The following ATP4A variants were observed in gnomAD, a reference collection of about 807,000 sequenced individuals.
ATP4A encodes the protein ATPase H+/K+ transporting subunit alpha.
ATP4A carries 73 observed loss-of-function variants against 112.1 expected under a neutral mutation model. The ratio of observed to expected loss-of-function variants is 0.65; its 90% CI spans 0.54 to 0.79. The LOEUF (loss-of-function observed/expected upper bound fraction) is 0.79. ATP4A is among the 30% of genes least tolerant of loss of function. The probability of loss-of-function intolerance (pLI) is 0.00; values close to 1 mark genes in which losing one functional copy is unlikely to be tolerated. For missense variants in ATP4A, 1,081 were observed against 1,425.9 expected (o/e 0.76, Z 3.90); for synonymous variants, 588 against 588.9 (o/e 1.00, Z 0.02).
Position 35,557,729 on chromosome 19 carries a change from G to A in ATP4A, c.1619C>T (p.Pro540Leu). 1 of 1,606,864 alleles carries A rather than the reference G, an allele frequency of 6.2e-7. No homozygotes were observed. Among genetic ancestry groups the A allele is most frequent in the Non-Finnish European group, 8.5e-7 (1 of 1,176,774 alleles). Residue 540 changes from proline to leucine, a missense_variant, in exon 11 of 22, where the codon CCG becomes CTG. Pro to Leu is a moderately conservative substitution (Grantham distance 98). Coordinates refer to ENST00000262623, the MANE Select transcript of ATP4A (RefSeq NM_000704.3). The surrounding 1 kb of genome is among the most constrained non-coding windows in gnomAD (Gnocchi z 4.4). ...GGCCTCGCGCCACTGCTCGTCCAGCGGCAGCTCCTGGCCCTTGATAAGGAT... is the reference window on the plus strand; with the variant it reads ...GGCCTCGCGCCACTGCTCGTCCAGCAGCAGCTCCTGGCCCTTGATAAGGAT... ...SSILIKGQEL[P>L]LDEQWREAFQ...
Position 35,559,302 on chromosome 19 carries a change from A to G in ATP4A, c.1057-111T>C. 6.9e-6 allele frequency: 8 copies of G among 1,161,288 alleles called. No individual in the cohort carries two copies. The highest frequency in any genetic ancestry group is 4.1e-5 in the South Asian group (3 of 73,828). The allele number at this position is 1,161,288 out of a possible 1,614,324, so 71.9% of individuals were successfully genotyped here. ...CCCCAGCCGCGGGGCTGCGTGTGCA[A>G]CGTGCTTCTGCAAACACCAGGTGTT... On this transcript the variant is annotated intron_variant, in intron 7 of 21. Transcript: ENST00000262623. The surrounding 1 kb of genome is among the most constrained non-coding windows in gnomAD (Gnocchi z 4.1).
At position 35,562,472 on chromosome 19, in the gene ATP4A, A is replaced by G; in HGVS notation, c.383T>C (p.Ile128Thr). ...AAAICLIAFA[I>T]QASEGDLTTD... ...GGTGAGGTCCCCCTCACTAGCCTGG[A>G]TGGCAAAGGCGATGAGGCAGATGGC... is the stretch of plus-strand genomic sequence containing the variant. Residue 128 changes from isoleucine (I) to threonine (T), a missense_variant, in exon 4 of 22, where the codon ATC becomes ACC. By Grantham distance (89) the Ile-to-Thr change is moderately conservative. Around this residue, in one of 3 missense-constraint regions of ATP4A, gnomAD observed 850 missense variants for 1,068.2 expected, o/e 0.80. Coordinates refer to ENST00000262623, the MANE Select transcript of ATP4A (RefSeq NM_000704.3). The G allele has an allele frequency of 6.2e-7, 1 of 1,614,088 alleles. No homozygotes were observed.
chr19:35,560,820 T>C lies in ATP4A; in HGVS notation c.533A>G (p.Gln178Arg). 2 of 1,613,926 alleles carry C rather than the reference T, an allele frequency of 1.2e-6. No individual in the cohort carries two copies. The highest frequency in any genetic ancestry group is 2.2e-5 in the South Asian group (2 of 91,078). Residue 178 changes from glutamine to arginine, a missense_variant and splice_region_variant, in exon 5 of 22, where the codon CAG becomes CGG. Transcript: ENST00000262623. This position sits in a 1 kb window ranked among gnomAD's most constrained non-coding sequence, Gnocchi z 5.1. The part of the protein sequence containing the change: ...IIASFKNLVP[Q>R]QATVIRDGDK... ...GTGGCTGGGTGCTGGGGAACCCACC[T>C]GTGGCACAAGGTTCTTAAAGCTGGC...
In ATP4A at chr19:35,557,817, C is replaced by T; in HGVS notation, c.1531G>A (p.Asp511Asn). 1 of 1,560,428 alleles carries T rather than the reference C, an allele frequency of 6.4e-7. No individual in the cohort carries two copies. Among genetic ancestry groups the T allele is most frequent in the Non-Finnish European group, 8.7e-7 (1 of 1,147,838 alleles). The change falls in exon 11 of 22, where the codon GAC becomes AAC. Residue 511 changes from aspartate to asparagine, a missense_variant. This residue lies in a region of ATP4A where 850 missense variants were observed against 1,068.2 expected (regional missense o/e 0.80). Transcript: ENST00000262623. This position sits in a 1 kb window ranked among gnomAD's most constrained non-coding sequence, Gnocchi z 4.4. Reference sequence around the variant, plus strand: ...TTCATCACCAGCAAGTGTCGCGGGTCCCGCGGGTCCTCCAGCGTATGGATG... The same window carrying T: ...TTCATCACCAGCAAGTGTCGCGGGTTCCGCGGGTCCTCCAGCGTATGGATG... Reference protein sequence around the residue: ...LSIHTLEDPRDPRHLLVMKGA... With the variant: ...LSIHTLEDPRNPRHLLVMKGA...
Position 35,558,775 on chromosome 19 carries a change from C to T in ATP4A, c.1256-89G>A, listed in dbSNP as rs906746882. On this transcript the variant is annotated intron_variant, in intron 8 of 21. Transcript: ENST00000262623. The surrounding 1 kb of genome is among the most constrained non-coding windows in gnomAD (Gnocchi z 5.1). ...CTCCTCCTAGGCTCATATCGCGGGCCCCCTCCCCAGACCTGGGTGGAATTG... is the reference window on the plus strand; with the variant it reads ...CTCCTCCTAGGCTCATATCGCGGGCTCCCTCCCCAGACCTGGGTGGAATTG... 2 of 1,401,006 alleles carry T rather than the reference C, an allele frequency of 1.4e-6. No individual in the cohort carries two copies. The highest frequency in any genetic ancestry group is 1.4e-5 in the South Asian group (1 of 72,452). The allele number at this position is 1,401,006 out of a possible 1,614,324, so 86.8% of individuals were successfully genotyped here.
chr19:35,556,645 T>A (rs1453945654), intron 12 of ATP4A, among the ~76,000 whole-genome samples: 1 of 152,130 alleles, frequency 6.6e-6, no homozygotes, highest in Non-Finnish European at 1.5e-5. Context: ...CAGGGGTGTG[T>A]GTGTCCCCAA....
intron 4 of ATP4A, 99 bp downstream of exon 4, chr19:35,562,336 T>A (rs1256422945): frequency 7.2e-7 from 1 of 1,388,380 alleles, no homozygotes; most frequent in Non-Finnish European, 9.9e-7. Context: ...TGTTCGTCTA[T>A]CCCCATCCTT....
At chr19:35,554,454 A>G (rs1178907852) in intron 16 of ATP4A, among the ~76,000 whole-genome samples, 1 of 152,154 alleles carries the variant, frequency 6.6e-6, no homozygotes, top group Admixed American at 6.5e-5. Context: ...TCTGGCCCAG[A>G]GAAAGCACTG....
intron 18 of ATP4A, among the ~76,000 whole-genome samples, chr19:35,552,458 C>A (rs1175736360): frequency 6.6e-6 from 1 of 152,160 alleles, no homozygotes; most frequent in Non-Finnish European, 1.5e-5. Flanking sequence ...AACTGAAAAC[C>A]ACTGAGGTAG....
chr19:35,560,488 C>A lies in ATP4A; in HGVS notation c.662G>T (p.Gly221Val). Residue 221 changes from glycine (G) to valine (V), a missense_variant, in exon 6 of 22, where the codon GGC becomes GTC. Gly to Val is a moderately radical substitution (Grantham distance 109, BLOSUM62 -3). Transcript: ENST00000262623. This position sits in a 1 kb window ranked among gnomAD's most constrained non-coding sequence, Gnocchi z 5.1. ...CAGCGAGGAGTTGTCCACCTTGCAGCCCTGGGCCGCCAGGATGCGGATGTC... is the reference window on the plus strand; with the variant it reads ...CAGCGAGGAGTTGTCCACCTTGCAGACCTGGGCCGCCAGGATGCGGATGTC... ...PADIRILAAQ[G>V]CKVDNSSLTG... The A allele has an allele frequency of 2.5e-6, 4 of 1,613,568 alleles. No homozygotes were observed. The highest frequency in any genetic ancestry group is 2.5e-6 in the Non-Finnish European group (3 of 1,180,030).
At chr19:35,561,731 C>G (rs2071671959) in intron 4 of ATP4A, among the ~76,000 whole-genome samples, 1 of 151,922 alleles carries the variant, frequency 6.6e-6, no homozygotes, top group Non-Finnish European at 1.5e-5. Context: ...GTGCTGTGTC[C>G]TGAGGCTTGG....
At position 35,560,547 on chromosome 19, in the gene ATP4A, C is replaced by T. The variant is rs538143131; in HGVS notation, c.603G>A (p.Leu201=). Residue 201 remains leucine, a synonymous_variant, in exon 6 of 22, where the codon CTG becomes CTA. Coordinates refer to ENST00000262623, the MANE Select transcript of ATP4A (RefSeq NM_000704.3). The surrounding 1 kb of genome is among the most constrained non-coding windows in gnomAD (Gnocchi z 5.1). ...CTCTGTCCCCACCTTTCATCTCCAC[C>T]AGGTCGCCCACCACCAGTTGGTCAG... ...INADQLVVGD[L]VEMKGGDRVP... 6.2e-7 allele frequency: 1 copy of T among 1,613,542 alleles called. No homozygotes were observed. The highest frequency in any genetic ancestry group is 8.5e-7 in the Non-Finnish European group (1 of 1,179,986).
At position 35,550,468 on chromosome 19, in the gene ATP4A, T is replaced by C. The variant is rs945621704; in HGVS notation, c.*147A>G. ...GGGGAGTGGGCAGGTCCCTCCAAGTTTGGGGTGCCGTGGGCTACAGAAGCA... is the reference window on the plus strand; with the variant it reads ...GGGGAGTGGGCAGGTCCCTCCAAGTCTGGGGTGCCGTGGGCTACAGAAGCA... On this transcript the variant is annotated 3_prime_UTR_variant, in exon 22 of 22. Coordinates refer to ENST00000262623, the MANE Select transcript of ATP4A (RefSeq NM_000704.3). This position sits in a 1 kb window ranked among gnomAD's most constrained non-coding sequence, Gnocchi z 4.1. 6.6e-6 allele frequency: 7 copies of C among 1,059,234 alleles called. No individual in the cohort carries two copies. In the Admixed American group the frequency reaches 7.0e-5, roughly 11 times the overall value. The allele number at this position is 1,059,234 out of a possible 1,614,324, so 65.6% of individuals were successfully genotyped here. A position where few individuals can be genotyped will look rare whatever the true frequency, so the allele number is the denominator to read the frequency against.
At position 35,559,549 on chromosome 19, in the gene ATP4A, T is replaced by G. The variant is rs1416100798; in HGVS notation, c.1056+256A>C. ...AAGGTCTGGTGACATGCTGGCTGCC[T>G]GCACAGGACATCAGCCTCTTCCAGT... is the stretch of plus-strand genomic sequence containing the variant. On this transcript the variant is annotated intron_variant, in intron 7 of 21. Coordinates refer to ENST00000262623, the MANE Select transcript of ATP4A (RefSeq NM_000704.3). This position sits in a 1 kb window ranked among gnomAD's most constrained non-coding sequence, Gnocchi z 4.1. 6.6e-6 allele frequency among the ~76,000 whole-genome samples: 1 copy of G among 152,230 alleles called. No individual in the cohort carries two copies. Among genetic ancestry groups the G allele is most frequent in the Non-Finnish European group, 1.5e-5 (1 of 68,038 alleles).
Position 35,555,251 on chromosome 19 carries a change from G to C in ATP4A, c.2241C>G (p.Ile747Met). 6.2e-7 allele frequency: 1 copy of C among 1,614,194 alleles called. No individual in the cohort carries two copies. Among genetic ancestry groups the C allele is most frequent in the South Asian group, 1.1e-5 (1 of 91,086 alleles). ...CATTTTTGGCAGCATCTGAGCCAGC[G>C]ATGCCCATGGCTACTCCGATGTCTG... is the stretch of plus-strand genomic sequence containing the variant. ...KKADIGVAMG[I>M]AGSDAAKNAA... is the part of the protein sequence containing the mutation. The change falls in exon 15 of 22, where the codon ATC (isoleucine) becomes ATG (methionine). Residue 747 changes from isoleucine to methionine, a missense_variant. Physicochemically the swap from Ile to Met is conservative, Grantham distance 10. Around this residue, in one of 3 missense-constraint regions of ATP4A, gnomAD observed 850 missense variants for 1,068.2 expected, o/e 0.80. Coordinates refer to ENST00000262623, the MANE Select transcript of ATP4A (RefSeq NM_000704.3). This position sits in a 1 kb window ranked among gnomAD's most constrained non-coding sequence, Gnocchi z 6.6.
intron 18 of ATP4A, 27 bp downstream of exon 18, chr19:35,553,010 G>A (rs1324404565): frequency 6.4e-7 from 1 of 1,564,220 alleles, no homozygotes; most frequent in African/African-American, 1.4e-5. Flanking sequence ...GGAGCCCAGG[G>A]ATGGGATGGG....
rs970058720 is a variant in ATP4A, at chr19:35,562,543, C to T, written c.312G>A (p.Ala104=). 6 of 1,613,364 alleles carry T rather than the reference C, an allele frequency of 3.7e-6. No individual in the cohort carries two copies. The highest frequency in any genetic ancestry group is 3.3e-5 in the South Asian group (3 of 90,956). Reference sequence around the variant, plus strand: ...ACTGCAGGCCCCCGGCCAGCTGCCTCGCGAACTTGACGTACTCTGGGGTGC... The same window carrying T: ...ACTGCAGGCCCCCGGCCAGCTGCCTTGCGAACTTGACGTACTCTGGGGTGC... The part of the protein sequence containing the change: ...PRGTPEYVKF[A]RQLAGGLQCL... The change falls in exon 4 of 22, where the codon GCG becomes GCA. Residue 104 remains alanine (A), a synonymous_variant. Coordinates refer to ENST00000262623, the MANE Select transcript of ATP4A (RefSeq NM_000704.3).
Position 35,559,313 on chromosome 19 carries a change from C to A in ATP4A, c.1057-122G>T. On this transcript the variant is annotated intron_variant, in intron 7 of 21. Coordinates refer to ENST00000262623, the MANE Select transcript of ATP4A (RefSeq NM_000704.3). The surrounding 1 kb of genome is among the most constrained non-coding windows in gnomAD (Gnocchi z 4.1). ...GGGCTGCGTGTGCAACGTGCTTCTG[C>A]AAACACCAGGTGTTTTCTTGGCCCC... 5 of 1,020,008 alleles carry A rather than the reference C, an allele frequency of 4.9e-6. No homozygotes were observed. In the East Asian group the frequency reaches 7.2e-5, roughly 15 times the overall value. 63.2% of individuals were successfully genotyped at this position (1,020,008 alleles called of 1,614,324 possible). A position where few individuals can be genotyped will look rare whatever the true frequency, so the allele number is the denominator to read the frequency against.
rs199849007 is a variant in ATP4A at position 35,553,194 on chromosome 19, C to T, written c.2606-12G>A. ...GGACTGAATGGCACCTGGAGAGAGA[C>T]AAGGGGACACAGGGAGACAGAGATG... On this transcript the variant is annotated splice_polypyrimidine_tract_variant and intron_variant, in intron 17 of 21. Transcript: ENST00000262623. 3 of 1,586,594 alleles carry T rather than the reference C, an allele frequency of 1.9e-6. No individual in the cohort carries two copies. Among genetic ancestry groups the T allele is most frequent in the South Asian group, 2.2e-5 (2 of 89,352 alleles).
Sources: allele counts gnomAD v4.1 joint callset (sites outside exome capture counted in the v4.1 genomes callset), GRCh38; gene constraint gnomAD v4.1.1; regional missense constraint gnomAD v4.1.1; non-coding constraint Gnocchi (gnomAD v3.1); transcripts MANE v1.5; gene names NCBI Gene and HGNC (gene_info 2026-07-23, HGNC 2026-07-21).